C16orf96: variants seen among roughly 807,000 people sequenced by gnomAD.
C16orf96 encodes chromosome 16 open reading frame 96, also known as uncharacterized protein C16orf96.
Under a neutral mutation model 103.6 loss-of-function variants are expected in C16orf96, and 108 were observed. That is an observed-to-expected ratio of 1.04 (90% CI 0.89 to 1.22). The LOEUF (loss-of-function observed/expected upper bound fraction) is 1.22, where lower values mean the gene tolerates loss of function less well. Among genes scored for constraint, C16orf96 ranks in the 50% most tolerant of loss-of-function variants. The pLI is 0.00. For synonymous variants in C16orf96, 566 were observed against 593.5 expected, an observed-to-expected ratio of 0.95 and a Z score of 0.67; for missense variants, 1,586 against 1,464.2, an observed-to-expected ratio of 1.08 and a Z score of -1.36.
chr16:4,572,289 A>C (rs1417519380), intron 2 of C16orf96, among the ~76,000 whole-genome samples: 1 of 141,818 alleles, frequency 7.1e-6, no homozygotes, highest in African/African-American at 2.6e-5. Flanking sequence ...CTAGGTACTC[A>C]TGCAATACTT....
chr16:4,599,792 G>C (rs776130932), intron 15 of C16orf96, among the ~76,000 whole-genome samples: 12 of 152,212 alleles, frequency 7.9e-5, no homozygotes, highest in Non-Finnish European at 1.8e-4. Flanking sequence ...TTTGAGCTGT[G>C]GCCCAAGATC....
the C16orf96 span, among the ~76,000 whole-genome samples, chr16:4,544,166 C>T: frequency 1.3e-5 from 2 of 152,096 alleles, no homozygotes; most frequent in African/African-American, 4.8e-5. Context: ...TGAACATTAC[C>T]ATGCTATGTA....
At chr16:4,546,506 C>A in the C16orf96 span, among the ~76,000 whole-genome samples, 2 of 146,356 alleles carry the variant, frequency 1.4e-5, no homozygotes, top group Non-Finnish European at 3.0e-5. Context: ...CTGTGTTGCA[C>A]AGGCTGGAGT....
At chr16:4,563,119 T>C in intron 1 of C16orf96, 1 of 776,046 alleles carries the variant, frequency 1.3e-6, no homozygotes, top group East Asian at 2.6e-5. Flanking sequence ...TTTTCCTCTT[T>C]AAGTTTTTGT....
At chr16:4,574,826 T>C (rs1339017721) in intron 3 of C16orf96, 37 bp downstream of exon 3, 3 of 1,526,210 alleles carry the variant, frequency 2.0e-6, no homozygotes, top group Non-Finnish European at 1.8e-6. Flanking sequence ...CCACTCCCCC[T>C]GGGACCCCCC....
chr16:4,591,468 C>G (rs901281990), intron 9 of C16orf96, among the ~76,000 whole-genome samples, 198 bp from the exon 10 acceptor site: 6 of 152,038 alleles, frequency 3.9e-5, no homozygotes, highest in African/African-American at 1.4e-4. Flanking sequence ...CCTTGCAGCT[C>G]CCCTCTACCA....
At chr16:4,597,401 G>A (rs1596541146) in intron 14 of C16orf96, among the ~76,000 whole-genome samples, 1 of 152,284 alleles carries the variant, frequency 6.6e-6, no homozygotes, top group Admixed American at 6.5e-5. Flanking sequence ...CAGGGCAGAT[G>A]GAGTCCACAT....
intron 7 of C16orf96, among the ~76,000 whole-genome samples, chr16:4,583,255 C>T (rs181548413): frequency 9.9e-4 from 150 of 151,762 alleles, no homozygotes; most frequent in African/African-American, 3.5e-3. Context: ...AATCTCAGCA[C>T]TTTGGGAGGC....
upstream of C16orf96, among the ~76,000 whole-genome samples, chr16:4,554,524 GTA>G (rs1489422570): frequency 1.3e-5 from 2 of 149,724 alleles, no homozygotes; most frequent in Non-Finnish European, 3.0e-5. Flanking sequence ...CTAATTTTTT[GTA>G]TATTTTTTGA....
intron 7 of C16orf96, among the ~76,000 whole-genome samples, chr16:4,586,397 C>A (rs1230327335): frequency 6.6e-6 from 1 of 152,216 alleles, no homozygotes; most frequent in African/African-American, 2.4e-5. Context: ...GTCCAGAGTT[C>A]TGTTCGTAAG....
chr16:4,582,096 A>G (rs536025396), intron 7 of C16orf96, among the ~76,000 whole-genome samples: 1 of 152,280 alleles, frequency 6.6e-6, no homozygotes, highest in Admixed American at 6.6e-5. Context: ...AGCCTGGCCA[A>G]CATAGTGAAA....
the C16orf96 span, among the ~76,000 whole-genome samples, chr16:4,548,156 C>T: frequency 2.6e-5 from 4 of 152,070 alleles, no homozygotes; most frequent in Admixed American, 6.6e-5. Flanking sequence ...ACAAAGTAAA[C>T]GCAGGCCCGG....
intron 1 of C16orf96, among the ~76,000 whole-genome samples, chr16:4,568,973 C>G (rs2059409714): frequency 6.6e-6 from 1 of 151,742 alleles, no homozygotes; most frequent in African/African-American, 2.4e-5. Flanking sequence ...GAGATGGAGT[C>G]TTACTCCATC....
chr16:4,599,432 C>A, intron 15 of C16orf96, 68 bp downstream of exon 15: 1 of 1,367,580 alleles, frequency 7.3e-7, no homozygotes, highest in Non-Finnish European at 1.0e-6. Context: ...CTCCTCGTCT[C>A]ATCCCATCCC....
chr16:4,585,205 C>A (rs765625929), intron 7 of C16orf96, among the ~76,000 whole-genome samples: 2 of 148,392 alleles, frequency 1.3e-5, no homozygotes, highest in Non-Finnish European at 3.0e-5. Context: ...GTAATCCCAG[C>A]ACTTTGGGAG....
At chr16:4,555,698 C>CTTTTT (rs1166481480), upstream of C16orf96, among the ~76,000 whole-genome samples, 49 of 127,220 alleles carry the variant, frequency 3.9e-4, no homozygotes, top group Non-Finnish European at 4.2e-4. Flanking sequence ...CTTTTCTTTT[C>CTTTTT]TTTTTTTTTT....
upstream of C16orf96, among the ~76,000 whole-genome samples, chr16:4,555,581 C>T (rs2059255120): frequency 6.6e-6 from 1 of 152,130 alleles, no homozygotes; most frequent in South Asian, 2.1e-4. Context: ...CCGTCTTGGC[C>T]AGGCTAGTCT....
At chr16:4,547,378 C>T in the C16orf96 span, among the ~76,000 whole-genome samples, 1 of 152,028 alleles carries the variant, frequency 6.6e-6, no homozygotes, top group Admixed American at 6.5e-5. Flanking sequence ...CTCAAGTAAT[C>T]CACCCACCTT....
At chr16:4,545,479 G>A in the C16orf96 span, among the ~76,000 whole-genome samples, 4 of 151,918 alleles carry the variant, frequency 2.6e-5, no homozygotes, top group Admixed American at 1.3e-4. Flanking sequence ...GGCGTGAGCC[G>A]CTGCACCTAG....
Sources: allele counts gnomAD v4.1 joint callset (sites outside exome capture counted in the v4.1 genomes callset), GRCh38; gene constraint gnomAD v4.1.1; transcripts MANE v1.5; gene names NCBI Gene and HGNC (gene_info 2026-07-23, HGNC 2026-07-21).